SUMF1: variants seen among roughly 807,000 people sequenced by gnomAD.
The protein encoded by SUMF1 is formylglycine-generating enzyme.
SUMF1 carries 48 observed loss-of-function variants against 47.6 expected under a neutral mutation model. The observed-to-expected ratio is 1.01, with a 90% confidence interval of 0.80 to 1.28. The LOEUF (loss-of-function observed/expected upper bound fraction) is 1.28. Ranked by LOEUF, SUMF1 falls within the 50% of genes most tolerant of loss-of-function variation. SUMF1 has a pLI of 0.00. For synonymous variants in SUMF1, 230 were observed against 192.1 expected (o/e 1.20, Z -1.63); for missense variants, 571 against 485.4 (o/e 1.18, Z -1.66).
chr3:4,215,128 C>T (rs918900158), intron 8 of SUMF1, among the ~76,000 whole-genome samples: 6 of 152,176 alleles, frequency 3.9e-5, no homozygotes, highest in African/African-American at 1.4e-4. Flanking sequence ...CCCTGACGAA[C>T]ATCGATGCAA....
chr3:4,048,251 A>G (rs1044234524), intron 9 of SUMF1, among the ~76,000 whole-genome samples: 3 of 152,134 alleles, frequency 2.0e-5, no homozygotes, highest in African/African-American at 7.2e-5. Context: ...CATCCTCTGC[A>G]TTGGTCATAT....
chr3:4,146,275 G>C (rs1375820612), intron 8 of SUMF1, among the ~76,000 whole-genome samples: 2 of 152,006 alleles, frequency 1.3e-5, no homozygotes, highest in Non-Finnish European at 2.9e-5. Context: ...AATGAAGGGA[G>C]ATGGTAAGAA....
intron 8 of SUMF1, among the ~76,000 whole-genome samples, chr3:4,094,223 G>T (rs1692850646): frequency 6.6e-6 from 1 of 151,996 alleles, no homozygotes; most frequent in African/African-American, 2.4e-5. Context: ...CGGACTTTTG[G>T]TGTTGAGCTC....
chr3:4,357,978 G>A (rs184162867), downstream of SUMF1, among the ~76,000 whole-genome samples: 1 of 152,156 alleles, frequency 6.6e-6, no homozygotes, highest in East Asian at 1.9e-4. Context: ...ATCGACAATT[G>A]AGATGCTCTG....
At position 4,370,429 on chromosome 3, in the gene SUMF1, T is replaced by A. The variant is rs73809522; in HGVS notation, c.1014+5901A>T. On this transcript the variant is annotated intron_variant, in intron 8 of 8. Transcript: ENST00000272902. ...GAAAGTTAAGAAATCTCTCTGGTGA[T>A]AGGGCATAGGACTTAGGTTTTTGTT... Among the ~76,000 whole-genome samples, 579 of 152,374 alleles carry A rather than the reference T, an allele frequency of 3.8e-3. 5 individuals carry two copies. Among genetic ancestry groups the A allele is most frequent in the African/African-American group, 0.013 (553 of 41,588 alleles).
chr3:4,253,586 T>G (rs1696860982), intron 8 of SUMF1, among the ~76,000 whole-genome samples: 1 of 151,440 alleles, frequency 6.6e-6, no homozygotes, highest in South Asian at 2.1e-4. Flanking sequence ...TGAGACTATA[T>G]CCCACACCTG....
At chr3:4,265,136 C>CAAAA (rs71043507) in intron 8 of SUMF1, among the ~76,000 whole-genome samples, 15 of 73,398 alleles carry the variant, frequency 2.0e-4, no homozygotes, top group Non-Finnish European at 2.6e-4. Flanking sequence ...GACTCCATCT[C>CAAAA]AAAAAAAAAA....
intron 8 of SUMF1, among the ~76,000 whole-genome samples, chr3:4,180,951 C>G (rs1388029724): frequency 6.6e-6 from 1 of 152,144 alleles, no homozygotes; most frequent in Non-Finnish European, 1.5e-5. Context: ...GAAAAACATG[C>G]TTACAATTCA....
intron 8 of SUMF1, among the ~76,000 whole-genome samples, chr3:4,254,445 G>T (rs946840248): frequency 2.0e-5 from 3 of 150,578 alleles, no homozygotes; most frequent in African/African-American, 7.3e-5. Context: ...GAAAACCAAG[G>T]CTCGAGAACT....
intron 8 of SUMF1, among the ~76,000 whole-genome samples, chr3:4,366,256 G>T (rs1200821121): frequency 6.6e-6 from 1 of 152,062 alleles, no homozygotes; most frequent in Admixed American, 6.6e-5. Context: ...GAATCTGAAT[G>T]TTGGCCTGCC....
At position 4,371,603 on chromosome 3, in the gene SUMF1, T is replaced by A. The variant is rs528129100; in HGVS notation, c.1014+4727A>T. On this transcript the variant is annotated intron_variant, in intron 8 of 8. Coordinates refer to ENST00000272902, the MANE Select transcript of SUMF1 (RefSeq NM_182760.4). ...CAACTCCTTTTGCTCTTCATCTTGG[T>A]AGGATGGTGAGGATTTCCTTAATGT... 2.0e-5 allele frequency among the ~76,000 whole-genome samples: 3 copies of A among 152,338 alleles called. No homozygotes were observed. The South Asian group carries it at 6.2e-4, about 32-fold the overall frequency.
At chr3:4,166,553 T>C (rs1306034535) in intron 8 of SUMF1, among the ~76,000 whole-genome samples, 3 of 152,130 alleles carry the variant, frequency 2.0e-5, no homozygotes, top group Non-Finnish European at 4.4e-5. Context: ...CTAGAAATCA[T>C]TCTTATAGGA....
intron 3 of SUMF1, among the ~76,000 whole-genome samples, chr3:4,426,787 C>T (rs1415765176): frequency 6.6e-6 from 1 of 152,180 alleles, no homozygotes; most frequent in East Asian, 1.9e-4. Context: ...CTCTGCTCAA[C>T]TGAGACAATT....
intron 8 of SUMF1, among the ~76,000 whole-genome samples, chr3:4,164,546 C>T (rs561789925): frequency 4.1e-4 from 62 of 152,230 alleles, no homozygotes; most frequent in Middle Eastern, 3.4e-3. Context: ...TTTAAGGTGT[C>T]CTTGCAAACC....
chr3:4,192,736 G>A (rs1695347820), intron 8 of SUMF1, among the ~76,000 whole-genome samples: 1 of 152,094 alleles, frequency 6.6e-6, no homozygotes, highest in Non-Finnish European at 1.5e-5. Context: ...GGGGCTTTGA[G>A]TTAGGCCAAC....
chr3:4,410,256 C>T (rs931247999), intron 7 of SUMF1, among the ~76,000 whole-genome samples: 1 of 152,204 alleles, frequency 6.6e-6, no homozygotes, highest in Non-Finnish European at 1.5e-5. Context: ...GGGTAGTATA[C>T]TATTTGCATT....
intron 8 of SUMF1, among the ~76,000 whole-genome samples, chr3:4,176,850 C>T (rs2686717): frequency 0.2 from 30,844 of 151,844 alleles, 3,568 homozygotes; most frequent in African/African-American, 0.31. Context: ...GAAGATTTAC[C>T]GAACAAATGG....
At chr3:4,350,373 TTG>T (rs1381436647) in intron 8 of SUMF1, among the ~76,000 whole-genome samples, 1 of 150,258 alleles carries the variant, frequency 6.7e-6, no homozygotes. Flanking sequence ...GTGTGTATAA[TTG>T]TGTGTGTATA....
intron 7 of SUMF1, 103 bp downstream of exon 7, chr3:4,410,762 G>T: frequency 1.0e-6 from 1 of 997,290 alleles, no homozygotes; most frequent in Non-Finnish European, 1.6e-6. Flanking sequence ...TTAATTTCCA[G>T]AGTATGTAAA....
Sources: gnomAD v4.1 joint callset for allele counts (sites outside exome capture counted in the v4.1 genomes callset) on GRCh38, gnomAD v4.1.1 for gene constraint, MANE v1.5 for transcripts, NCBI Gene and HGNC (gene_info 2026-07-23, HGNC 2026-07-21) for gene names.